Variants in ARHGAP17 observed in about 807,000 individuals in gnomAD.
ARHGAP17 encodes the protein Rho GTPase activating protein 17, also known as rho GTPase-activating protein 17.
In ARHGAP17, 57 loss-of-function variants were observed where a neutral mutation model predicts 99.5. The ratio of observed to expected loss-of-function variants is 0.57; its 90% CI spans 0.46 to 0.71. The LOEUF (loss-of-function observed/expected upper bound fraction) is 0.71. Ranked by LOEUF, ARHGAP17 falls within the 30% of genes least tolerant of loss-of-function variation. The pLI is 0.00. For missense variants in ARHGAP17, 1,000 were observed against 1,122.4 expected (o/e 0.89, Z 1.56); for synonymous variants, 417 against 429.6 (o/e 0.97, Z 0.36).
intron 15 of ARHGAP17, among the ~76,000 whole-genome samples, chr16:24,943,169 T>G (rs2051365960): frequency 6.6e-6 from 1 of 152,192 alleles, no homozygotes; most frequent in South Asian, 2.1e-4. Context: ...ACAAACCTAG[T>G]TTGAAAATCT....
At chr16:24,979,122 G>A (rs2052601367) in intron 1 of ARHGAP17, 117 bp from the exon 2 acceptor site, 4 of 703,280 alleles carry the variant, frequency 5.7e-6, no homozygotes, top group Non-Finnish European at 9.2e-6. Flanking sequence ...AATTTAGAAG[G>A]GTTGGCAGGG....
chr16:24,952,380 T>C lies in ARHGAP17; in HGVS notation c.965-10A>G. ...TAGGATTTTAAAGCACCTGAAATCA[T>C]TAACACTCTCTTTGAGTATGAAAAA... On this transcript the variant is annotated splice_polypyrimidine_tract_variant and intron_variant, in intron 11 of 19. Transcript: ENST00000289968. 1 of 1,607,086 alleles carries C rather than the reference T, an allele frequency of 6.2e-7. No individual in the cohort carries two copies. Among genetic ancestry groups the C allele is most frequent in the Admixed American group, 1.7e-5 (1 of 59,724 alleles).
chr16:24,988,721 G>T (rs1704160405), intron 1 of ARHGAP17, among the ~76,000 whole-genome samples: 2 of 152,126 alleles, frequency 1.3e-5, no homozygotes, highest in Non-Finnish European at 2.9e-5. Flanking sequence ...TTCCCCTCTG[G>T]CACATGAAAT....
At chr16:24,939,765 T>C (rs1443381537) in intron 16 of ARHGAP17, 168 bp from the exon 17 acceptor site, 1 of 689,340 alleles carries the variant, frequency 1.5e-6, no homozygotes, top group Admixed American at 2.3e-5. Flanking sequence ...GCAACTCCAC[T>C]CGGCTTCAAG....
At chr16:24,928,054 T>C (rs915558540) in intron 19 of ARHGAP17, among the ~76,000 whole-genome samples, 1 of 152,246 alleles carries the variant, frequency 6.6e-6, no homozygotes, top group Non-Finnish European at 1.5e-5. Context: ...TTTCAGGAAT[T>C]TGTCCATCTA....
intron 9 of ARHGAP17, among the ~76,000 whole-genome samples, chr16:24,958,755 C>G (rs899873134): frequency 1.3e-5 from 2 of 152,146 alleles, no homozygotes; most frequent in African/African-American, 4.8e-5. Context: ...AAGCATCCCC[C>G]CCACAACACA....
chr16:25,014,256 TC>T (rs2053721988), intron 1 of ARHGAP17, among the ~76,000 whole-genome samples: 1 of 152,230 alleles, frequency 6.6e-6, no homozygotes, highest in African/African-American at 2.4e-5. Context: ...ATTCATACTT[TC>T]GTATCTCTTT....
intron 1 of ARHGAP17, among the ~76,000 whole-genome samples, chr16:24,998,091 G>A (rs1046346959): frequency 6.6e-6 from 1 of 151,944 alleles, no homozygotes; most frequent in Non-Finnish European, 1.5e-5. Context: ...GGGAGGGCAG[G>A]GAAGAAGCCA....
intron 17 of ARHGAP17, among the ~76,000 whole-genome samples, chr16:24,937,778 C>T (rs1015869367): frequency 2.6e-5 from 4 of 152,180 alleles, no homozygotes; most frequent in African/African-American, 7.2e-5. Context: ...ATCCCAAGGA[C>T]GATGAGAAAG....
intron 3 of ARHGAP17, among the ~76,000 whole-genome samples, chr16:24,973,647 A>C (rs1056427032): frequency 6.6e-6 from 1 of 151,432 alleles, no homozygotes; most frequent in South Asian, 2.1e-4. Context: ...TCACCTAACT[A>C]CCTCCCTCTT....
chr16:24,997,275 C>A (rs2053222641), intron 1 of ARHGAP17, among the ~76,000 whole-genome samples: 1 of 151,476 alleles, frequency 6.6e-6, no homozygotes, highest in African/African-American at 2.4e-5. Flanking sequence ...CCAGTACACA[C>A]CCAGACTCAT....
chr16:24,943,804 T>C lies in ARHGAP17; in HGVS notation c.1300A>G (p.Ile434Val). 6.2e-7 allele frequency: 1 copy of C among 1,614,174 alleles called. No homozygotes were observed. The highest frequency in any genetic ancestry group is 8.5e-7 in the Non-Finnish European group (1 of 1,180,018). Residue 434 changes from isoleucine to valine, a missense_variant, in exon 15 of 20, where the codon ATC becomes GTC. Around this residue, in one of 2 missense-constraint regions of ARHGAP17, gnomAD observed 472 missense variants for 611.1 expected, o/e 0.77. Transcript: ENST00000289968. Reference protein sequence around the residue: ...SVHVVAVIEPIIQHADWFFPE... With the variant: ...SVHVVAVIEPVIQHADWFFPE... ...AAGAACCAGTCGGCATGCTGAATGA[T>C]GGGTTCAATCACTGCAACCACATGG...
Position 24,982,978 on chromosome 16 carries a change from A to ATATATATATATATATT in ARHGAP17, c.54-3974_54-3973insAATATATATATATATA, listed in dbSNP as rs1555467402. On this transcript the variant is annotated intron_variant, in intron 1 of 19. Coordinates refer to ENST00000289968, the MANE Select transcript of ARHGAP17 (RefSeq NM_001006634.3). ...TACTTGATAAATCATATATATATAT[A>ATATATATATATATATT]TATATATATATATATATATTTTTTT... is the stretch of plus-strand genomic sequence containing the variant. 2.6e-3 allele frequency among the ~76,000 whole-genome samples: 53 copies of ATATATATATATATATT among 20,436 alleles called. 1 individual carries two copies. Among genetic ancestry groups the ATATATATATATATATT allele is most frequent in the East Asian group, 6.4e-3 (4 of 624 alleles). The allele number at this position is 20,436 out of a possible 152,430, so 13.4% of individuals were successfully genotyped here.
chr16:24,945,141 T>C (rs773567621), intron 14 of ARHGAP17, among the ~76,000 whole-genome samples: 3 of 151,526 alleles, frequency 2.0e-5, no homozygotes, highest in Admixed American at 6.6e-5. Context: ...CTGGACAACA[T>C]AGTGAAATCC....
At chr16:24,990,804 T>C (rs1321306179) in intron 1 of ARHGAP17, among the ~76,000 whole-genome samples, 1 of 148,134 alleles carries the variant, frequency 6.8e-6, no homozygotes, top group Non-Finnish European at 1.5e-5. Context: ...CCCAGGCAAT[T>C]CCCAAGCAAA....
At chr16:25,014,154 C>A (rs1392382677) in intron 1 of ARHGAP17, among the ~76,000 whole-genome samples, 7 of 150,998 alleles carry the variant, frequency 4.6e-5, no homozygotes, top group African/African-American at 1.7e-4. Flanking sequence ...TATTTTCATA[C>A]ACTCAAAAAA....
At chr16:25,012,389 T>C (rs1170654379) in intron 1 of ARHGAP17, among the ~76,000 whole-genome samples, 1 of 152,226 alleles carries the variant, frequency 6.6e-6, no homozygotes, top group Non-Finnish European at 1.5e-5. Context: ...GTCTCCCTTC[T>C]GAGGAGAATA....
Position 24,960,479 on chromosome 16 carries a change from T to A in ARHGAP17, c.574-500A>T, listed in dbSNP as rs569779277. ...AGAATTGCTTGAGCCTGGGAGGTGG[T>A]GGTTGCAGTGAGCTGAGATCGTGTG... On this transcript the variant is annotated intron_variant, in intron 7 of 19. Coordinates refer to ENST00000289968, the MANE Select transcript of ARHGAP17 (RefSeq NM_001006634.3). Among the ~76,000 whole-genome samples, 4 of 149,346 alleles carry A rather than the reference T, an allele frequency of 2.7e-5. No homozygotes were observed. The East Asian group carries it at 8.0e-4, about 30-fold the overall frequency.
chr16:24,962,146 T>TAC (rs137990574), intron 7 of ARHGAP17, among the ~76,000 whole-genome samples: 88 of 149,062 alleles, frequency 5.9e-4, no homozygotes, highest in Middle Eastern at 3.5e-3. Flanking sequence ...AACCCCACCA[T>TAC]ACACACACAC....
Sources: gnomAD v4.1 joint callset for allele counts (sites outside exome capture counted in the v4.1 genomes callset) on GRCh38, gnomAD v4.1.1 for gene constraint, gnomAD v4.1.1 regional missense constraint, MANE v1.5 for transcripts, NCBI Gene and HGNC (gene_info 2026-07-23, HGNC 2026-07-21) for gene names.